The following SLC71A2 variants were observed in gnomAD, a reference collection of about 807,000 sequenced individuals.
SLC71A2 encodes hippocampus abundant transcript-like 1.
the SLC71A2 span, among the ~76,000 whole-genome samples, chr9:94,375,118 T>C: frequency 3.0e-4 from 46 of 152,070 alleles, no homozygotes; most frequent in African/African-American, 1.1e-3. Context: ...GACAAAACTT[T>C]ACAGGATTTG....
the SLC71A2 span, among the ~76,000 whole-genome samples, chr9:94,455,476 A>G: frequency 6.9e-6 from 1 of 145,282 alleles, no homozygotes; most frequent in Non-Finnish European, 1.5e-5. Context: ...TGGCCTCCCA[A>G]AGTGCTAGGA....
the SLC71A2 span, chr9:94,460,056 A>G: frequency 1.3e-5 from 2 of 152,552 alleles, no homozygotes; most frequent in Non-Finnish European, 2.9e-5. Context: ...TACCTTTACT[A>G]GATGAAAGAA....
the SLC71A2 span, among the ~76,000 whole-genome samples, chr9:94,436,550 G>A: frequency 6.6e-6 from 1 of 152,058 alleles, no homozygotes; most frequent in Non-Finnish European, 1.5e-5. Context: ...TCTTTTGTAC[G>A]AGGAAGCTCT....
chr9:94,424,547 A>G, the SLC71A2 span, among the ~76,000 whole-genome samples: 1 of 151,900 alleles, frequency 6.6e-6, no homozygotes, highest in Non-Finnish European at 1.5e-5. Context: ...AATATCTTGT[A>G]TAAATTCCTT....
At chr9:94,424,411 T>A in the SLC71A2 span, among the ~76,000 whole-genome samples, 3 of 152,050 alleles carry the variant, frequency 2.0e-5, no homozygotes, top group African/African-American at 7.2e-5. Flanking sequence ...ATTTTTGTAT[T>A]TTTAGTAGAT....
the SLC71A2 span, among the ~76,000 whole-genome samples, chr9:94,417,517 C>T: frequency 3.9e-5 from 6 of 152,048 alleles, no homozygotes; most frequent in African/African-American, 1.2e-4. Context: ...ATCCCAGCTA[C>T]TCGGAAGGCT....
chr9:94,456,327 A>C, the SLC71A2 span: 1 of 1,613,814 alleles, frequency 6.2e-7, no homozygotes, highest in Non-Finnish European at 8.5e-7. Context: ...ATGCAGAGTC[A>C]GATCAGCAAG....
the SLC71A2 span, among the ~76,000 whole-genome samples, chr9:94,390,299 C>G: frequency 6.7e-6 from 1 of 149,974 alleles, no homozygotes; most frequent in Non-Finnish European, 1.5e-5. Context: ...GTCATACAGA[C>G]TAACCCTGTA....
chr9:94,440,629 A>G, the SLC71A2 span, among the ~76,000 whole-genome samples: 1 of 151,850 alleles, frequency 6.6e-6, no homozygotes, highest in Non-Finnish European at 1.5e-5. Context: ...ATCTTTTCAA[A>G]TCATTTGTTG....
At chr9:94,434,644 A>G in the SLC71A2 span, among the ~76,000 whole-genome samples, 1 of 152,086 alleles carries the variant, frequency 6.6e-6, no homozygotes, top group Admixed American at 6.6e-5. Flanking sequence ...GGTGGTTTCA[A>G]TATCCACACA....
the SLC71A2 span, among the ~76,000 whole-genome samples, chr9:94,389,569 G>A: frequency 2.0e-5 from 3 of 148,430 alleles, no homozygotes; most frequent in East Asian, 4.1e-4. Context: ...GTGAACCTCC[G>A]TGCCCAGCCT....
At chr9:94,423,674 T>G in the SLC71A2 span, among the ~76,000 whole-genome samples, 6 of 152,096 alleles carry the variant, frequency 3.9e-5, no homozygotes, top group Non-Finnish European at 8.8e-5. Flanking sequence ...TCATAACTCT[T>G]ATGAAATATA....
chr9:94,441,640 C>G, the SLC71A2 span, among the ~76,000 whole-genome samples: 1 of 152,190 alleles, frequency 6.6e-6, no homozygotes, highest in African/African-American at 2.4e-5. Flanking sequence ...TGCACAAGCT[C>G]TTTGTGCACC....
the SLC71A2 span, among the ~76,000 whole-genome samples, chr9:94,391,183 C>T: frequency 1.4e-5 from 2 of 146,082 alleles, no homozygotes; most frequent in East Asian, 2.0e-4. Context: ...TTGATACCAG[C>T]CTAATGTCTC....
the SLC71A2 span, among the ~76,000 whole-genome samples, chr9:94,403,930 G>A: frequency 6.6e-6 from 1 of 152,148 alleles, no homozygotes; most frequent in Non-Finnish European, 1.5e-5. Flanking sequence ...GGAGTATTGC[G>A]AGGTGGCGCC....
At chr9:94,419,461 T>C in the SLC71A2 span, among the ~76,000 whole-genome samples, 1 of 151,332 alleles carries the variant, frequency 6.6e-6, no homozygotes, top group Non-Finnish European at 1.5e-5. Context: ...GCCTGGCTCT[T>C]TTTTTTTGTT....
At chr9:94,437,007 G>GAGC in the SLC71A2 span, among the ~76,000 whole-genome samples, 2 of 151,456 alleles carry the variant, frequency 1.3e-5, no homozygotes, top group African/African-American at 2.4e-5. Flanking sequence ...TATAATAGAA[G>GAGC]AGCTAAGAGA....
the SLC71A2 span, among the ~76,000 whole-genome samples, chr9:94,381,283 G>A: frequency 3.3e-5 from 5 of 150,736 alleles, no homozygotes; most frequent in East Asian, 1.9e-4. Context: ...CCATCCGCCC[G>A]CCTCGGCCTC....
chr9:94,379,342 T>A, the SLC71A2 span, among the ~76,000 whole-genome samples: 1 of 146,958 alleles, frequency 6.8e-6, no homozygotes, highest in Non-Finnish European at 1.5e-5. Flanking sequence ...TGCCTTGGCC[T>A]CCCAAAGTGC....
Sources: gnomAD v4.1 joint callset for allele counts (sites outside exome capture counted in the v4.1 genomes callset) on GRCh38, gnomAD v4.1.1 for gene constraint, MANE v1.5 for transcripts, NCBI Gene and HGNC (gene_info 2026-07-23, HGNC 2026-07-21) for gene names.